Variants in TYW1 observed in about 807,000 individuals in gnomAD.
TYW1 encodes S-adenosyl-L-methionine-dependent tRNA 4-demethylwyosine synthase TYW1.
In TYW1, 46 loss-of-function variants were observed where a neutral mutation model predicts 96.2. The ratio of observed to expected loss-of-function variants is 0.48; its 90% CI spans 0.38 to 0.61. The LOEUF (loss-of-function observed/expected upper bound fraction) is 0.61, where lower values mean the gene tolerates loss of function less well. Ranked by LOEUF, TYW1 falls within the 20% of genes least tolerant of loss-of-function variation. The probability of loss-of-function intolerance (pLI) is 0.00; values close to 1 mark genes in which losing one functional copy is unlikely to be tolerated. For missense variants in TYW1, 684 were observed against 909.6 expected (o/e 0.75, Z 3.19); for synonymous variants, 274 against 323.0 (o/e 0.85, Z 1.63).
At chr7:67,129,163 G>A (rs1251800239) in intron 13 of TYW1, among the ~76,000 whole-genome samples, 1 of 152,160 alleles carries the variant, frequency 6.6e-6, no homozygotes, top group Non-Finnish European at 1.5e-5. Context: ...CTTCCACTTG[G>A]TTAGTTAGGC....
chr7:67,011,455 G>T (rs948090926), intron 4 of TYW1, among the ~76,000 whole-genome samples: 1 of 152,240 alleles, frequency 6.6e-6, no homozygotes, highest in Non-Finnish European at 1.5e-5. Flanking sequence ...CTCAAGTGTG[G>T]CCCCTGAGCC....
At chr7:67,025,523 T>A (rs1004728464) in intron 7 of TYW1, among the ~76,000 whole-genome samples, 7 of 152,126 alleles carry the variant, frequency 4.6e-5, no homozygotes, top group Non-Finnish European at 7.3e-5. Context: ...TAGGATTTAT[T>A]ATGGTTGAGA....
chr7:67,118,569 T>C (rs1033859695), intron 13 of TYW1, among the ~76,000 whole-genome samples: 2 of 151,886 alleles, frequency 1.3e-5, no homozygotes, highest in African/African-American at 2.4e-5. Flanking sequence ...CCCACAGATA[T>C]GGAGGACCGA....
intron 11 of TYW1, among the ~76,000 whole-genome samples, chr7:67,093,405 C>T (rs1026782505): frequency 6.6e-6 from 1 of 152,084 alleles, no homozygotes; most frequent in Non-Finnish European, 1.5e-5. Flanking sequence ...ACTACCTTCG[C>T]GGTGGAGCTA....
rs760719980 is a variant in TYW1 at position 67,067,373 on chromosome 7, C to A, written c.1244C>A (p.Ala415Glu). 5.0e-6 allele frequency: 8 copies of A among 1,613,878 alleles called. No homozygotes were observed. In the South Asian group the frequency reaches 8.8e-5, roughly 18 times the overall value. ...TGCATGGAAACCACCCCGAGCTTGG[C>A]GTGTGCTAATAAATGTGTCTTCTGT... is the stretch of plus-strand genomic sequence containing the variant. ...HRCMETTPSL[A>E]CANKCVFCWR... is the part of the protein sequence containing the mutation. Residue 415 changes from alanine to glutamate, a missense_variant, in exon 10 of 16, where the codon GCG (alanine) becomes GAG (glutamate). By Grantham distance (107) the Ala-to-Glu change is moderately radical. Coordinates refer to ENST00000359626, the MANE Select transcript of TYW1 (RefSeq NM_018264.4).
chr7:67,188,928 T>C (rs371398924), intron 14 of TYW1, among the ~76,000 whole-genome samples: 135 of 152,340 alleles, frequency 8.9e-4, no homozygotes, highest in African/African-American at 3.1e-3. Context: ...GATTTTAAAA[T>C]GGAAACACAC....
Position 67,182,788 on chromosome 7 carries a change from T to G in TYW1, c.1699-338T>G, listed in dbSNP as rs568698065. ...CCTAGAGGGTATTTCAATTAATTTTTTATAGCCTAACACTGTTTGGTCAGT... is the reference window on the plus strand; with the variant it reads ...CCTAGAGGGTATTTCAATTAATTTTGTATAGCCTAACACTGTTTGGTCAGT... On this transcript the variant is annotated intron_variant, in intron 13 of 15. Coordinates refer to ENST00000359626, the MANE Select transcript of TYW1 (RefSeq NM_018264.4). Among the ~76,000 whole-genome samples, 10 of 152,280 alleles carry G rather than the reference T, an allele frequency of 6.6e-5. 1 individual carries two copies. The South Asian group carries it at 2.1e-3, about 32-fold the overall frequency.
At chr7:67,187,598 G>GATGTTT (rs1554388553) in intron 14 of TYW1, among the ~76,000 whole-genome samples, 1 of 151,796 alleles carries the variant, frequency 6.6e-6, no homozygotes, top group African/African-American at 2.4e-5. Context: ...TCGCAAAAGG[G>GATGTTT]ATGTTTATAG....
intron 11 of TYW1, among the ~76,000 whole-genome samples, chr7:67,094,234 C>T (rs900613902): frequency 1.2e-4 from 18 of 152,114 alleles, no homozygotes; most frequent in Non-Finnish European, 2.5e-4. Context: ...TTTCTTTATC[C>T]AGTCAACCGT....
intron 10 of TYW1, among the ~76,000 whole-genome samples, chr7:67,072,338 C>T (rs1796055067): frequency 1.3e-5 from 2 of 151,398 alleles, no homozygotes; most frequent in African/African-American, 4.9e-5. Flanking sequence ...CCTCCACCTC[C>T]TGGGTTCACA....
At chr7:67,049,660 C>T (rs58054935) in intron 7 of TYW1, among the ~76,000 whole-genome samples, 39,272 of 151,908 alleles carry the variant, frequency 0.26, 5,231 homozygotes, top group East Asian at 0.46. Flanking sequence ...GATTCTCCTG[C>T]CTCAGCCTCC....
At chr7:67,187,052 ATTT>A (rs750086247) in intron 14 of TYW1, among the ~76,000 whole-genome samples, 4 of 100,896 alleles carry the variant, frequency 4.0e-5, no homozygotes, top group Admixed American at 1.0e-4. Context: ...CCACAATTAA[ATTT>A]TTTTTTTTTT....
intron 14 of TYW1, among the ~76,000 whole-genome samples, chr7:67,191,123 T>C (rs1458319958): frequency 2.0e-5 from 3 of 152,136 alleles, no homozygotes; most frequent in Non-Finnish European, 1.5e-5. Flanking sequence ...CTTTCAGTCA[T>C]GGCAGAAGGC....
chr7:67,091,579 A>AT (rs1796723013), intron 11 of TYW1, among the ~76,000 whole-genome samples: 1 of 152,190 alleles, frequency 6.6e-6, no homozygotes, highest in Admixed American at 6.5e-5. Context: ...TAAAAAAGAA[A>AT]TTTAGAGGCT....
chr7:67,184,933 C>G (rs1204043788), intron 14 of TYW1, among the ~76,000 whole-genome samples: 2 of 151,870 alleles, frequency 1.3e-5, no homozygotes, highest in Admixed American at 6.6e-5. Flanking sequence ...GTCTCGAACT[C>G]CTGACCTTGA....
chr7:67,065,825 A>G (rs1795839547), intron 9 of TYW1, among the ~76,000 whole-genome samples: 1 of 152,152 alleles, frequency 6.6e-6, no homozygotes, highest in Non-Finnish European at 1.5e-5. Flanking sequence ...AGCCTGACCA[A>G]TATGGTAAAA....
chr7:67,149,722 ATATCTATCTATC>A (rs59266321), intron 13 of TYW1, among the ~76,000 whole-genome samples: 2,564 of 140,220 alleles, frequency 0.018, 46 homozygotes, highest in Non-Finnish European at 0.024. Context: ...AGGAAAAAAA[ATATCTATCTATC>A]TATCTATCTA....
chr7:67,124,383 C>T (rs1294403213), intron 13 of TYW1, among the ~76,000 whole-genome samples: 2 of 152,056 alleles, frequency 1.3e-5, no homozygotes, highest in Non-Finnish European at 2.9e-5. Flanking sequence ...CAGATGTGCT[C>T]CACCACACCT....
intron 7 of TYW1, among the ~76,000 whole-genome samples, chr7:67,044,336 G>A: frequency 6.6e-6 from 1 of 152,060 alleles, no homozygotes; most frequent in Non-Finnish European, 1.5e-5. Context: ...GACCTCAAGT[G>A]ATCTGCCCGC....
Sources: gnomAD v4.1 joint callset for allele counts (sites outside exome capture counted in the v4.1 genomes callset) on GRCh38, gnomAD v4.1.1 for gene constraint, MANE v1.5 for transcripts, NCBI Gene and HGNC (gene_info 2026-07-23, HGNC 2026-07-21) for gene names.